KDM3B: variants seen among roughly 807,000 people sequenced by gnomAD.
The protein encoded by KDM3B is lysine demethylase 3B.
A neutral mutation model predicts 170.0 loss-of-function variants in KDM3B; 10 were observed. The ratio of observed to expected loss-of-function variants is 0.06; its 90% CI spans 0.04 to 0.10. The LOEUF is 0.10. Ranked by LOEUF, KDM3B falls within the 10% of genes least tolerant of loss-of-function variation. The pLI is 1.00. For missense variants in KDM3B, 1,394 were observed against 2,195.2 expected (o/e 0.64, Z 7.29); for synonymous variants, 831 against 834.8 (o/e 1.00, Z 0.08).
chr5:138,415,639 G>A (rs1367299937), intron 12 of KDM3B, among the ~76,000 whole-genome samples: 1 of 150,686 alleles, frequency 6.6e-6, no homozygotes, highest in Non-Finnish European at 1.5e-5. Flanking sequence ...TTTCAGAGAC[G>A]GAGTCCCAAT....
Position 138,396,110 on chromosome 5 carries a change from C to CT in KDM3B, c.2832-2059dup, listed in dbSNP as rs201369127. On this transcript the variant is annotated intron_variant, in intron 9 of 23. Transcript: ENST00000314358. Reference sequence around the variant, plus strand: ...ATGGCAATGAGTATAGACAACTCTTCTTTTTTTTTAGATGGAGTCTTGCTG... The same window carrying CT: ...ATGGCAATGAGTATAGACAACTCTTCTTTTTTTTTTAGATGGAGTCTTGCTG... Among the ~76,000 whole-genome samples, 27 of 149,110 alleles carry CT rather than the reference C, an allele frequency of 1.8e-4. No individual in the cohort carries two copies. The East Asian group carries it at 5.2e-3, about 29-fold the overall frequency.
intron 12 of KDM3B, among the ~76,000 whole-genome samples, chr5:138,415,842 A>G (rs1350511375): frequency 2.6e-5 from 4 of 152,132 alleles, no homozygotes; most frequent in Non-Finnish European, 2.9e-5. Flanking sequence ...TTGTTTCCAG[A>G]TATCATTTCC....
At chr5:138,378,560 A>G (rs552991663) in intron 4 of KDM3B, among the ~76,000 whole-genome samples, 10 of 152,220 alleles carry the variant, frequency 6.6e-5, no homozygotes, top group African/African-American at 2.2e-4. Context: ...TCTTGATCTC[A>G]TGATAATCAT....
intron 1 of KDM3B, among the ~76,000 whole-genome samples, chr5:138,357,417 C>A (rs1761479534): frequency 6.6e-6 from 1 of 151,428 alleles, no homozygotes; most frequent in South Asian, 2.1e-4. Flanking sequence ...AGCTGGAGTG[C>A]AATGACACAG....
In KDM3B at chr5:138,400,028, C is replaced by A. The variant is rs531477878; in HGVS notation, c.3199+16C>A. 1.7e-5 allele frequency: 28 copies of A among 1,613,218 alleles called. No individual in the cohort carries two copies. The South Asian group carries it at 3.0e-4, about 17-fold the overall frequency. ...CCACGCAGTGGTAAGTAAACATTGT[C>A]CTGTGTAGCTCGAAAGGTAACGTGG... On this transcript the variant is annotated intron_variant, in intron 11 of 23. Transcript: ENST00000314358.
At chr5:138,357,129 G>A (rs1761470683) in intron 1 of KDM3B, among the ~76,000 whole-genome samples, 2 of 152,032 alleles carry the variant, frequency 1.3e-5, no homozygotes, top group South Asian at 4.2e-4. Context: ...AGGGACTACA[G>A]GCATGCGCCA....
chr5:138,430,140 A>G (rs1161540390), intron 21 of KDM3B, 109 bp from the exon 22 acceptor site: 2 of 1,388,334 alleles, frequency 1.4e-6, no homozygotes, highest in Non-Finnish European at 2.0e-6. Flanking sequence ...GTTGACTAGA[A>G]TAAAGTTTTG....
At chr5:138,415,659 A>C (rs974973264) in intron 12 of KDM3B, among the ~76,000 whole-genome samples, 1 of 151,642 alleles carries the variant, frequency 6.6e-6, no homozygotes, top group Non-Finnish European at 1.5e-5. Context: ...TATGTTGCAC[A>C]GGCTGGTCTT....
At chr5:138,369,510 G>T (rs1580883242) in intron 1 of KDM3B, among the ~76,000 whole-genome samples, 1 of 152,092 alleles carries the variant, frequency 6.6e-6, no homozygotes, top group Non-Finnish European at 1.5e-5. Context: ...ATAGTTGCAC[G>T]CACACACCCA....
At chr5:138,392,391 G>C (rs1426470976) in intron 8 of KDM3B, 130 bp downstream of exon 8, 16 of 993,778 alleles carry the variant, frequency 1.6e-5, no homozygotes, top group Non-Finnish European at 1.9e-5. Flanking sequence ...AGAGCCAAGA[G>C]GACCTGGCAG....
Position 138,372,860 on chromosome 5 carries a change from G to C in KDM3B, c.360+19G>C. On this transcript the variant is annotated intron_variant, in intron 2 of 23. Transcript: ENST00000314358. Reference sequence around the variant, plus strand: ...AGCCCTGGTGAGTGGCTTTTACTGGGTGGGAACATGTCTGAGCTTTACTCC... The same window carrying C: ...AGCCCTGGTGAGTGGCTTTTACTGGCTGGGAACATGTCTGAGCTTTACTCC... 1 of 1,607,986 alleles carries C rather than the reference G, an allele frequency of 6.2e-7. No homozygotes were observed. The highest frequency in any genetic ancestry group is 8.5e-7 in the Non-Finnish European group (1 of 1,176,290).
In KDM3B at chr5:138,399,934, A is replaced by G; in HGVS notation, c.3121A>G (p.Ile1041Val). Residue 1041 changes from isoleucine to valine, a missense_variant, in exon 11 of 24, where the codon ATC becomes GTC. This residue lies in a region of KDM3B where 2 missense variants were observed against 42.6 expected (regional missense o/e 0.05). Coordinates refer to ENST00000314358, the MANE Select transcript of KDM3B (RefSeq NM_016604.4). ...CDVCETTLFNIHWVCRKCGFG... is the reference protein window; with the variant it reads ...CDVCETTLFNVHWVCRKCGFG... ...TGTGTGTGAAACAACTCTCTTCAAC[A>G]TCCACTGGGTTTGTCGCAAATGTGG... 6.2e-7 allele frequency: 1 copy of G among 1,614,180 alleles called. No individual in the cohort carries two copies. The highest frequency in any genetic ancestry group is 8.5e-7 in the Non-Finnish European group (1 of 1,180,038).
chr5:138,370,437 T>C (rs1580884080), intron 1 of KDM3B, among the ~76,000 whole-genome samples: 1 of 152,204 alleles, frequency 6.6e-6, no homozygotes, highest in East Asian at 1.9e-4. Flanking sequence ...AAGTATAAAT[T>C]TCCTGAATTT....
chr5:138,372,377 G>A (rs1219850235), intron 1 of KDM3B, among the ~76,000 whole-genome samples: 1 of 152,136 alleles, frequency 6.6e-6, no homozygotes, highest in Non-Finnish European at 1.5e-5. Context: ...GCTAGTATGT[G>A]TAGATACGAA....
intron 6 of KDM3B, among the ~76,000 whole-genome samples, chr5:138,384,600 A>G (rs1762208123): frequency 6.6e-6 from 1 of 151,222 alleles, no homozygotes. Context: ...TTAGCTGGGC[A>G]TGGTGGCAGG....
rs1380228850 is a variant in KDM3B at position 138,375,153 on chromosome 5, C to G, written c.421C>G (p.Leu141Val). 58 of 1,613,760 alleles carry G rather than the reference C, an allele frequency of 3.6e-5. No individual in the cohort carries two copies. The highest frequency in any genetic ancestry group is 4.8e-5 in the Non-Finnish European group (57 of 1,179,866). ...LGSVVPVEYLLDRELRFLSDA... is the reference protein window; with the variant it reads ...LGSVVPVEYLVDRELRFLSDA... ...TTCTGTGGTTCCAGTGGAATATCTT[C>G]TGGATCGAGAGCTTCGGTTCCTGTC... Residue 141 changes from leucine to valine, a missense_variant, in exon 3 of 24, where the codon CTG (leucine) becomes GTG (valine). Transcript: ENST00000314358.
chr5:138,366,861 A>G (rs1453949694), intron 1 of KDM3B, among the ~76,000 whole-genome samples: 4 of 152,062 alleles, frequency 2.6e-5, no homozygotes, highest in African/African-American at 9.7e-5. Context: ...ACGAAAGAAC[A>G]CTCCTGGCCA....
chr5:138,379,860 A>G, intron 5 of KDM3B, 152 bp downstream of exon 5: 1 of 662,462 alleles, frequency 1.5e-6, no homozygotes, highest in Non-Finnish European at 2.4e-6. Flanking sequence ...AGGCTATTGA[A>G]TTTTCTTAAC....
chr5:138,421,325 A>G (rs1249374605), intron 15 of KDM3B, among the ~76,000 whole-genome samples: 1 of 151,932 alleles, frequency 6.6e-6, no homozygotes, highest in Non-Finnish European at 1.5e-5. Context: ...CTAAGCCTGA[A>G]CTCCTGATCT....
Sources: gnomAD v4.1 joint callset for allele counts (sites outside exome capture counted in the v4.1 genomes callset) on GRCh38, gnomAD v4.1.1 for gene constraint, gnomAD v4.1.1 regional missense constraint, MANE v1.5 for transcripts, NCBI Gene and HGNC (gene_info 2026-07-23, HGNC 2026-07-21) for gene names.